Variants in KIAA1217 observed in about 807,000 individuals in gnomAD.
KIAA1217 encodes KIAA1217.
In KIAA1217, 88 loss-of-function variants were observed where a neutral mutation model predicts 163.9. That is an observed-to-expected ratio of 0.54 (90% CI 0.45 to 0.64). The LOEUF (loss-of-function observed/expected upper bound fraction) is 0.64, where lower values mean the gene tolerates loss of function less well. Ranked by LOEUF, KIAA1217 falls within the 30% of genes least tolerant of loss-of-function variation. The probability of loss-of-function intolerance (pLI) is 0.00; values close to 1 mark genes in which losing one functional copy is unlikely to be tolerated. For missense variants in KIAA1217, 2,372 were observed against 2,475.0 expected, an observed-to-expected ratio of 0.96 and a Z score of 0.88; for synonymous variants, 903 against 923.1, an observed-to-expected ratio of 0.98 and a Z score of 0.39.
chr10:23,813,525 A>G (rs1338659216), intron 1 of KIAA1217, among the ~76,000 whole-genome samples: 1 of 152,010 alleles, frequency 6.6e-6, no homozygotes, highest in Non-Finnish European at 1.5e-5. Context: ...TTTATAGTAA[A>G]ATTTTTCCCA....
intron 2 of KIAA1217, among the ~76,000 whole-genome samples, chr10:24,039,419 T>C (rs933704685): frequency 2.0e-5 from 3 of 152,166 alleles, no homozygotes; most frequent in South Asian, 2.1e-4. Flanking sequence ...GCTAGTGATA[T>C]ACAACGCAAT....
chr10:23,805,756 G>A (rs762635455), intron 1 of KIAA1217, among the ~76,000 whole-genome samples: 5 of 151,972 alleles, frequency 3.3e-5, no homozygotes, highest in East Asian at 1.9e-4. Flanking sequence ...GCTCACGCCC[G>A]TAATCCCAGC....
At chr10:23,940,241 C>G (rs891825415) in intron 1 of KIAA1217, among the ~76,000 whole-genome samples, 2 of 151,730 alleles carry the variant, frequency 1.3e-5, no homozygotes, top group Non-Finnish European at 2.9e-5. Context: ...GGGTGGATCA[C>G]CTGACATCAG....
chr10:24,344,412 G>T (rs914334527), intron 2 of KIAA1217, among the ~76,000 whole-genome samples: 5 of 152,170 alleles, frequency 3.3e-5, no homozygotes, highest in Non-Finnish European at 5.9e-5. Context: ...GACTGATTTC[G>T]TATAAATGTC....
chr10:23,795,563 G>A (rs1197898829), intron 1 of KIAA1217, among the ~76,000 whole-genome samples: 1 of 152,178 alleles, frequency 6.6e-6, no homozygotes, highest in Non-Finnish European at 1.5e-5. Context: ...TCATTATATG[G>A]TGGTTATAAA....
At chr10:23,771,675 T>C (rs1834800650) in intron 1 of KIAA1217, among the ~76,000 whole-genome samples, 1 of 152,180 alleles carries the variant, frequency 6.6e-6, no homozygotes, top group African/African-American at 2.4e-5. Context: ...GTGGCTTTTT[T>C]GATACAACAC....
intron 1 of KIAA1217, among the ~76,000 whole-genome samples, chr10:23,993,768 C>T (rs796165445): frequency 3.3e-5 from 5 of 151,208 alleles, no homozygotes; most frequent in African/African-American, 9.8e-5. Context: ...TAGCAGAAAA[C>T]GGGGTTTCAC....
At chr10:24,034,825 T>C (rs1420310726) in intron 2 of KIAA1217, among the ~76,000 whole-genome samples, 3 of 152,154 alleles carry the variant, frequency 2.0e-5, no homozygotes, top group South Asian at 2.1e-4. Context: ...GCTGCTGCCT[T>C]CCCATCTGCT....
Position 24,376,782 on chromosome 10 carries a change from A to T in KIAA1217, c.355-4087A>T, listed in dbSNP as rs142047682. Among the ~76,000 whole-genome samples, 1,312 of 152,244 alleles carry T rather than the reference A, an allele frequency of 8.6e-3. 10 individuals are homozygous for T. Among genetic ancestry groups the T allele is most frequent in the Non-Finnish European group, 0.011 (770 of 68,014 alleles). On this transcript the variant is annotated intron_variant, in intron 2 of 20. Coordinates refer to ENST00000376454, the MANE Select transcript of KIAA1217 (RefSeq NM_019590.5). Reference sequence around the variant, plus strand: ...GACTGAATGAATGAATGAATGAATGACCAACCAACCAATCTTACCACTGGT... The same window carrying T: ...GACTGAATGAATGAATGAATGAATGTCCAACCAACCAATCTTACCACTGGT...
chr10:23,968,927 G>T (rs539641434), intron 1 of KIAA1217, among the ~76,000 whole-genome samples: 18 of 152,198 alleles, frequency 1.2e-4, no homozygotes, highest in Non-Finnish European at 2.1e-4. Context: ...GAATGATAAT[G>T]TTATGGATAT....
intron 4 of KIAA1217, 121 bp from the exon 5 acceptor site, chr10:24,438,265 C>A: frequency 1.5e-6 from 1 of 678,656 alleles, no homozygotes. Flanking sequence ...GACTGGCGTA[C>A]TGTAGATAGC....
chr10:24,145,531 G>C (rs2064269554), intron 2 of KIAA1217, among the ~76,000 whole-genome samples: 1 of 152,202 alleles, frequency 6.6e-6, no homozygotes, highest in African/African-American at 2.4e-5. Flanking sequence ...GTTCTCTAGA[G>C]GGACAGAACT....
intron 3 of KIAA1217, among the ~76,000 whole-genome samples, chr10:24,386,629 A>G (rs911319942): frequency 6.6e-6 from 1 of 152,194 alleles, no homozygotes. Flanking sequence ...GCTGGAGTAC[A>G]GTGGCACAAA....
intron 3 of KIAA1217, among the ~76,000 whole-genome samples, chr10:24,381,742 C>A (rs1169557304): frequency 6.6e-6 from 1 of 152,214 alleles, no homozygotes; most frequent in Non-Finnish European, 1.5e-5. Flanking sequence ...TCTCACCTTG[C>A]AACCCTCCTC....
intron 2 of KIAA1217, among the ~76,000 whole-genome samples, chr10:24,138,255 G>A (rs1163100701): frequency 6.6e-6 from 1 of 152,142 alleles, no homozygotes; most frequent in African/African-American, 2.4e-5. Context: ...CCAGGCTCAA[G>A]CGATCCCCCT....
chr10:24,469,265 C>T (rs1030454304), intron 5 of KIAA1217, among the ~76,000 whole-genome samples: 1 of 151,668 alleles, frequency 6.6e-6, no homozygotes, highest in African/African-American at 2.4e-5. Flanking sequence ...AGCTGGATTA[C>T]AGGCGCATGC....
intron 5 of KIAA1217, among the ~76,000 whole-genome samples, chr10:24,443,119 C>T (rs1196860897): frequency 6.6e-6 from 1 of 152,102 alleles, no homozygotes; most frequent in Admixed American, 6.6e-5. Context: ...CCATGTTGGC[C>T]AGGCTGGTCT....
intron 1 of KIAA1217, among the ~76,000 whole-genome samples, chr10:23,861,601 G>T (rs1839952291): frequency 6.6e-6 from 1 of 152,178 alleles, no homozygotes; most frequent in African/African-American, 2.4e-5. Flanking sequence ...AGATGTGGCA[G>T]AAAAGGAAGT....
At chr10:23,705,299 T>G (rs1438362624) in intron 1 of KIAA1217, among the ~76,000 whole-genome samples, 1 of 151,908 alleles carries the variant, frequency 6.6e-6, no homozygotes, top group African/African-American at 2.4e-5. Context: ...CAATTATCTG[T>G]TTTTTTTCTT....
Sources: allele counts gnomAD v4.1 joint callset (sites outside exome capture counted in the v4.1 genomes callset), GRCh38; gene constraint gnomAD v4.1.1; transcripts MANE v1.5; gene names NCBI Gene and HGNC (gene_info 2026-07-23, HGNC 2026-07-21).